Variants in CSMD3 observed in about 807,000 individuals in gnomAD.
CSMD3 encodes the protein CUB and Sushi multiple domains 3, also known as CUB and sushi domain-containing protein 3.
A neutral mutation model predicts 435.2 loss-of-function variants in CSMD3; 177 were observed. That is an observed-to-expected ratio of 0.41 (90% CI 0.36 to 0.46). The LOEUF (loss-of-function observed/expected upper bound fraction) is 0.46, where lower values mean the gene tolerates loss of function less well. Ranked by LOEUF, CSMD3 falls within the 20% of genes least tolerant of loss-of-function variation. The pLI, the probability that CSMD3 is intolerant of heterozygous loss-of-function variation, is 0.34. For missense variants in CSMD3, 4,265 were observed against 4,504.6 expected, an observed-to-expected ratio of 0.95 and a Z score of 1.52; for synonymous variants, 1,656 against 1,520.5, an observed-to-expected ratio of 1.09 and a Z score of -2.07.
intron 37 of CSMD3, among the ~76,000 whole-genome samples, chr8:112,382,674 T>C (rs1829583021): frequency 6.6e-6 from 1 of 152,198 alleles, no homozygotes; most frequent in Non-Finnish European, 1.5e-5. Flanking sequence ...TTTTAAATTA[T>C]TGCATAAACT....
At chr8:113,054,917 G>A (rs1384418269) in intron 5 of CSMD3, among the ~76,000 whole-genome samples, 2 of 151,976 alleles carry the variant, frequency 1.3e-5, no homozygotes, top group African/African-American at 2.4e-5. Flanking sequence ...TAGGTCTCTC[G>A]TTCTCACTTT....
chr8:113,174,044 C>T (rs1172390309), intron 3 of CSMD3, 128 bp from the exon 4 acceptor site: 3 of 727,496 alleles, frequency 4.1e-6, no homozygotes, highest in African/African-American at 1.8e-5. Flanking sequence ...CTGAAAGGAA[C>T]TGTCTTCTAT....
chr8:112,782,397 G>A (rs1409091612), intron 13 of CSMD3, among the ~76,000 whole-genome samples: 1 of 151,648 alleles, frequency 6.6e-6, no homozygotes, highest in Non-Finnish European at 1.5e-5. Flanking sequence ...AGTCAGAGCA[G>A]ACAAAAGAAA....
In CSMD3 at chr8:112,224,533, G is replaced by A; in HGVS notation, c.*238C>T. The A allele has an allele frequency of 1.8e-6, 1 of 546,860 alleles. No homozygotes were observed. The highest frequency in any genetic ancestry group is 1.9e-5 in the African/African-American group (1 of 52,868). 33.9% of individuals were successfully genotyped at this position (546,860 alleles called of 1,614,324 possible). ...TAGAATAATCTCCTTTTTAAAAAAA[G>A]CAAATAAACTGTGAGTAAGCACTCT... is the stretch of plus-strand genomic sequence containing the variant. On this transcript the variant is annotated 3_prime_UTR_variant, in exon 71 of 71. Coordinates refer to ENST00000297405, the MANE Select transcript of CSMD3 (RefSeq NM_198123.2).
chr8:112,244,370 A>G (rs1475757314), intron 65 of CSMD3, 24 bp downstream of exon 65: 1 of 1,596,328 alleles, frequency 6.3e-7, no homozygotes, highest in South Asian at 1.1e-5. Context: ...CTTGTGTTAA[A>G]AAGATTCTAT....
At chr8:112,944,138 C>T (rs1483273482) in intron 9 of CSMD3, among the ~76,000 whole-genome samples, 2 of 151,630 alleles carry the variant, frequency 1.3e-5, no homozygotes, top group South Asian at 4.1e-4. Context: ...TTCTCTCAGT[C>T]TTAAACTTTC....
Position 112,263,624 on chromosome 8 carries a change from A to C in CSMD3, c.9862+15T>G. The C allele has an allele frequency of 6.2e-7, 1 of 1,611,146 alleles. No homozygotes were observed. On this transcript the variant is annotated intron_variant, in intron 61 of 70. Coordinates refer to ENST00000297405, the MANE Select transcript of CSMD3 (RefSeq NM_198123.2). ...AAAATTTTAAGTAACAGTTGTTAGTAGAAATCATACTTACGTAAGCACTGC... is the reference window on the plus strand; with the variant it reads ...AAAATTTTAAGTAACAGTTGTTAGTCGAAATCATACTTACGTAAGCACTGC...
At chr8:113,228,212 G>T (rs867542640) in intron 3 of CSMD3, among the ~76,000 whole-genome samples, 9 of 151,332 alleles carry the variant, frequency 5.9e-5, no homozygotes, top group African/African-American at 1.9e-4. Flanking sequence ...TTTTGATTTT[G>T]CCATCATATA....
chr8:112,923,126 C>A (rs1314369389), intron 9 of CSMD3, among the ~76,000 whole-genome samples: 1 of 152,084 alleles, frequency 6.6e-6, no homozygotes, highest in East Asian at 1.9e-4. Context: ...GGAATCTGAG[C>A]CACAATTTCT....
At chr8:112,820,875 C>CTA (rs1403858879) in intron 12 of CSMD3, among the ~76,000 whole-genome samples, 1 of 152,036 alleles carries the variant, frequency 6.6e-6, no homozygotes, top group Non-Finnish European at 1.5e-5. Flanking sequence ...ACATGTTCAA[C>CTA]TCCCACTTAT....
At chr8:112,254,779 T>C (rs1815625484) in intron 62 of CSMD3, among the ~76,000 whole-genome samples, 1 of 152,094 alleles carries the variant, frequency 6.6e-6, no homozygotes, top group Non-Finnish European at 1.5e-5. Context: ...TATTCAGGCA[T>C]AATAATGGTA....
chr8:112,655,495 C>A (rs923461970), intron 18 of CSMD3, among the ~76,000 whole-genome samples: 3 of 151,698 alleles, frequency 2.0e-5, no homozygotes, highest in African/African-American at 7.3e-5. Context: ...GGAAAAAAAG[C>A]CCATTTCTGT....
At chr8:113,186,513 G>C (rs1423639065) in intron 3 of CSMD3, among the ~76,000 whole-genome samples, 1 of 151,976 alleles carries the variant, frequency 6.6e-6, no homozygotes. Context: ...TTTATAGGAC[G>C]CTTTCCCATT....
intron 37 of CSMD3, among the ~76,000 whole-genome samples, chr8:112,382,291 C>CAAAAAAAAAAAAAA (rs11384093): frequency 5.1e-5 from 6 of 116,770 alleles, no homozygotes; most frequent in East Asian, 3.0e-4. Context: ...CTCTAAAATG[C>CAAAAAAAAAAAAAA]AAAAAAAAAA....
intron 34 of CSMD3, 130 bp from the exon 35 acceptor site, chr8:112,406,857 C>A: frequency 2.0e-6 from 1 of 497,662 alleles, no homozygotes; most frequent in Non-Finnish European, 3.5e-6. Context: ...AATTTGAATA[C>A]ATTCTTAAAG....
intron 7 of CSMD3, among the ~76,000 whole-genome samples, chr8:112,963,969 A>G (rs1410022032): frequency 1.3e-5 from 2 of 151,926 alleles, no homozygotes; most frequent in East Asian, 3.9e-4. Flanking sequence ...TTTACCTTAC[A>G]GGATTTTTAT....
chr8:112,335,535 A>G, intron 44 of CSMD3, 61 bp from the exon 45 acceptor site: 2 of 1,446,102 alleles, frequency 1.4e-6, no homozygotes, highest in Non-Finnish European at 1.9e-6. Flanking sequence ...GTAGTTTTGA[A>G]CCGTATTTAA....
rs547895701 is a variant in CSMD3, at chr8:112,502,717, G to A, written c.5083+1073C>T. Among the ~76,000 whole-genome samples the A allele has an allele frequency of 8.3e-4, 127 of 152,256 alleles. No homozygotes were observed. In the South Asian group the frequency reaches 0.025, roughly 30 times the overall value. On this transcript the variant is annotated intron_variant, in intron 30 of 70. Coordinates refer to ENST00000297405, the MANE Select transcript of CSMD3 (RefSeq NM_198123.2). ...AGAGATCTGAAGCAAATATAGCACA[G>A]TGTTAATTTTTGTCAAGTTGGCTGA...
chr8:112,584,094 G>C (rs1830535405), intron 23 of CSMD3, among the ~76,000 whole-genome samples: 1 of 151,604 alleles, frequency 6.6e-6, no homozygotes, highest in African/African-American at 2.4e-5. Context: ...AAATTATCTA[G>C]TAATATTGAG....
Sources: allele counts gnomAD v4.1 joint callset (sites outside exome capture counted in the v4.1 genomes callset), GRCh38; gene constraint gnomAD v4.1.1; transcripts MANE v1.5; gene names NCBI Gene and HGNC (gene_info 2026-07-23, HGNC 2026-07-21).